ST8SIA5: variants seen among roughly 807,000 people sequenced by gnomAD.
The protein encoded by ST8SIA5 is ST8 alpha-N-acetyl-neuraminide alpha-2,8-sialyltransferase 5, also known as alpha-2,8-sialyltransferase 8E.
In ST8SIA5, 24 loss-of-function variants were observed where a neutral mutation model predicts 40.2. The observed-to-expected ratio is 0.60, with a 90% CI of 0.43 to 0.84. ST8SIA5 has a LOEUF of 0.84. Ranked by LOEUF, ST8SIA5 falls within the 40% of genes least tolerant of loss-of-function variation. The pLI is 0.00. For synonymous variants in ST8SIA5, 198 were observed against 201.8 expected (o/e 0.98, Z 0.16); for missense variants, 465 against 498.5 (o/e 0.93, Z 0.64).
chr18:46,745,479 A>T (rs1341725468), intron 1 of ST8SIA5, among the ~76,000 whole-genome samples: 1 of 152,212 alleles, frequency 6.6e-6, no homozygotes, highest in East Asian at 1.9e-4. Context: ...GAAATGAATA[A>T]ATTCCTGGAC....
chr18:46,701,062 C>A (rs972235463), intron 2 of ST8SIA5, among the ~76,000 whole-genome samples: 1 of 150,910 alleles, frequency 6.6e-6, no homozygotes, highest in Admixed American at 6.6e-5. Context: ...AGTGTGTCTC[C>A]CTAAAATTCG....
In ST8SIA5 at chr18:46,676,715, A is replaced by G. The variant is rs961768741; in HGVS notation, c.*3327T>C. The G allele has an allele frequency of 4.6e-5, 7 of 152,250 alleles. No individual in the cohort carries two copies. Among genetic ancestry groups the G allele is most frequent in the Admixed American group, 1.3e-4 (2 of 15,286 alleles). 9.4% of individuals were successfully genotyped at this position (152,250 alleles called of 1,614,324 possible). On this transcript the variant is annotated 3_prime_UTR_variant, in exon 7 of 7. Coordinates refer to ENST00000315087, the MANE Select transcript of ST8SIA5 (RefSeq NM_013305.6). The stretch of plus-strand genomic sequence containing the variant: ...AGCAGTGGGTTTAGCACAAAGGAAG[A>G]CATGATGGTTGTTTTGTTTACGGGA...
intron 2 of ST8SIA5, 99 bp from the exon 3 acceptor site, chr18:46,692,354 C>T (rs1029451337): frequency 9.5e-6 from 10 of 1,054,612 alleles, no homozygotes; most frequent in Admixed American, 1.8e-5. Context: ...TAGGCCAAGT[C>T]CAGTCCTGGG....
rs939687169 is a variant in ST8SIA5 at position 46,671,915 on chromosome 18, C to T, written c.*8127G>A. 1 of 152,216 alleles carries T rather than the reference C, an allele frequency of 6.6e-6. No individual in the cohort carries two copies. Among genetic ancestry groups the T allele is most frequent in the Non-Finnish European group, 1.5e-5 (1 of 68,062 alleles). The allele number at this position is 152,216 out of a possible 1,614,324, so 9.4% of individuals were successfully genotyped here. Reference sequence around the variant, plus strand: ...TAAAGGATCATCTAGAGCCATGAGCCTCCAAGTGCAGTCCCTGGACCAGCA... The same window carrying T: ...TAAAGGATCATCTAGAGCCATGAGCTTCCAAGTGCAGTCCCTGGACCAGCA... On this transcript the variant is annotated 3_prime_UTR_variant, in exon 7 of 7. Transcript: ENST00000315087.
Position 46,754,354 on chromosome 18 carries a change from G to A in ST8SIA5, c.131+2024C>T, listed in dbSNP as rs533618053. Among the ~76,000 whole-genome samples the A allele has an allele frequency of 7.2e-5, 11 of 152,128 alleles. No individual in the cohort carries two copies. In the South Asian group the frequency reaches 1.9e-3, roughly 26 times the overall value. The stretch of plus-strand genomic sequence containing the variant: ...GCCCACTCAAGTTCAACTTCCTCTG[G>A]GCACAGTCTTGCCTAACTTCTCCAG... On this transcript the variant is annotated intron_variant, in intron 1 of 6. Coordinates refer to ENST00000315087, the MANE Select transcript of ST8SIA5 (RefSeq NM_013305.6).
intron 3 of ST8SIA5, among the ~76,000 whole-genome samples, chr18:46,690,025 C>T (rs2039489372): frequency 6.6e-6 from 1 of 152,106 alleles, no homozygotes; most frequent in African/African-American, 2.4e-5. Flanking sequence ...AGAGAGGAGA[C>T]CAGAGGCCTG....
At chr18:46,690,158 C>G (rs1342730108) in intron 3 of ST8SIA5, among the ~76,000 whole-genome samples, 1 of 152,210 alleles carries the variant, frequency 6.6e-6, no homozygotes, top group Non-Finnish European at 1.5e-5. Flanking sequence ...CTGACTCACA[C>G]TAACCAAGCT....
intron 1 of ST8SIA5, among the ~76,000 whole-genome samples, chr18:46,754,209 A>G (rs967898464): frequency 6.6e-6 from 1 of 152,120 alleles, no homozygotes; most frequent in Non-Finnish European, 1.5e-5. Context: ...AGGTAGGGTC[A>G]GGTGTGGGAG....
chr18:46,734,026 C>G (rs912133213), intron 1 of ST8SIA5, among the ~76,000 whole-genome samples: 2 of 152,054 alleles, frequency 1.3e-5, no homozygotes, highest in African/African-American at 4.8e-5. Context: ...ACCTACCTCC[C>G]GAAGCCCTCC....
At chr18:46,753,056 CTT>C (rs901720133) in intron 1 of ST8SIA5, among the ~76,000 whole-genome samples, 2 of 152,232 alleles carry the variant, frequency 1.3e-5, no homozygotes, top group Non-Finnish European at 2.9e-5. Flanking sequence ...CTTCAAAACA[CTT>C]TGCTGAGGCT....
chr18:46,678,654 A>G lies in ST8SIA5; in HGVS notation c.*1388T>C, dbSNP rs115461043. 1,322 of 152,554 alleles carry G rather than the reference A, an allele frequency of 8.7e-3. 21 individuals carry two copies. Among genetic ancestry groups the G allele is most frequent in the African/African-American group, 0.03 (1,240 of 41,566 alleles). The allele number at this position is 152,554 out of a possible 1,614,324, so 9.5% of individuals were successfully genotyped here. A position where few individuals can be genotyped will look rare whatever the true frequency, so the allele number is the denominator to read the frequency against. The stretch of plus-strand genomic sequence containing the variant: ...AGAAATGTTTAAGGGGAGGAAGAAA[A>G]GAGGAAGGGAGGGAAGGAGAAAGGG... On this transcript the variant is annotated 3_prime_UTR_variant, in exon 7 of 7. Coordinates refer to ENST00000315087, the MANE Select transcript of ST8SIA5 (RefSeq NM_013305.6).
At chr18:46,746,637 T>C (rs1247334258) in intron 1 of ST8SIA5, among the ~76,000 whole-genome samples, 2 of 152,140 alleles carry the variant, frequency 1.3e-5, no homozygotes, top group Non-Finnish European at 2.9e-5. Flanking sequence ...AAAATGGCCA[T>C]ACTGCCCAAG....
chr18:46,714,208 C>T (rs551306317), intron 1 of ST8SIA5, among the ~76,000 whole-genome samples: 2 of 152,132 alleles, frequency 1.3e-5, no homozygotes, highest in South Asian at 2.1e-4. Flanking sequence ...TGGGGGATGC[C>T]GGGCTATAAA....
At chr18:46,749,019 C>T (rs76966583) in intron 1 of ST8SIA5, among the ~76,000 whole-genome samples, 11,170 of 152,222 alleles carry the variant, frequency 0.073, 753 homozygotes, top group East Asian at 0.31. Context: ...AAATATTATT[C>T]TGCAATAAGA....
At position 46,669,428 on chromosome 18, in the gene ST8SIA5, C is replaced by T. The variant is rs900481485; in HGVS notation, c.*10614G>A. 24 of 152,150 alleles carry T rather than the reference C, an allele frequency of 1.6e-4. No homozygotes were observed. The highest frequency in any genetic ancestry group is 4.8e-4 in the African/African-American group (20 of 41,426). The allele number at this position is 152,150 out of a possible 1,614,324, so 9.4% of individuals were successfully genotyped here. A position where few individuals can be genotyped will look rare whatever the true frequency, so the allele number is the denominator to read the frequency against. ...CCCTGTCCTCCTTGCAGGAACGCAGCGAAGTCCAGTAAGAAAATGGATGGT... is the reference window on the plus strand; with the variant it reads ...CCCTGTCCTCCTTGCAGGAACGCAGTGAAGTCCAGTAAGAAAATGGATGGT... On this transcript the variant is annotated 3_prime_UTR_variant, in exon 7 of 7. Transcript: ENST00000315087.
chr18:46,697,124 TAA>T (rs35310725), intron 2 of ST8SIA5, among the ~76,000 whole-genome samples: 1,907 of 126,750 alleles, frequency 0.015, 25 homozygotes, highest in South Asian at 0.042. Context: ...GTTCCTCTGT[TAA>T]AAAAAAAAAA....
At chr18:46,706,315 T>C (rs1478200333) in intron 1 of ST8SIA5, among the ~76,000 whole-genome samples, 3 of 152,196 alleles carry the variant, frequency 2.0e-5, no homozygotes, top group Admixed American at 6.5e-5. Flanking sequence ...TCAAACACCT[T>C]TGTGTCTTAC....
intron 6 of ST8SIA5, among the ~76,000 whole-genome samples, chr18:46,681,690 C>T (rs1383019678): frequency 6.6e-6 from 1 of 152,212 alleles, no homozygotes; most frequent in South Asian, 2.1e-4. Flanking sequence ...TGGAATTTAA[C>T]AATGTCCGAG....
At chr18:46,708,938 C>T (rs1469363718) in intron 1 of ST8SIA5, among the ~76,000 whole-genome samples, 1 of 152,164 alleles carries the variant, frequency 6.6e-6, no homozygotes, top group African/African-American at 2.4e-5. Flanking sequence ...CCAGGTAGTA[C>T]CTTAGCCAAG....
Sources: gnomAD v4.1 joint callset for allele counts (sites outside exome capture counted in the v4.1 genomes callset) on GRCh38, gnomAD v4.1.1 for gene constraint, MANE v1.5 for transcripts, NCBI Gene and HGNC (gene_info 2026-07-23, HGNC 2026-07-21) for gene names.